CLVS1: variants seen among roughly 807,000 people sequenced by gnomAD.
CLVS1 encodes the protein clavesin 1, also known as clavesin-1.
Under a neutral mutation model 33.1 loss-of-function variants are expected in CLVS1, and 10 were observed. The observed-to-expected ratio is 0.30, with a 90% CI of 0.19 to 0.51. The LOEUF (loss-of-function observed/expected upper bound fraction) is 0.51. Among genes scored for constraint, CLVS1 ranks in the 20% least tolerant of loss-of-function variants. CLVS1 has a pLI of 0.97. For synonymous variants in CLVS1, 163 were observed against 166.1 expected (o/e 0.98, Z 0.14); for missense variants, 343 against 433.4 (o/e 0.79, Z 1.85).
chr8:61,207,551 G>T lies in CLVS1; in HGVS notation c.-152+75691G>T, dbSNP rs114761403. Among the ~76,000 whole-genome samples the T allele has an allele frequency of 3.8e-3, 573 of 152,250 alleles. 3 individuals carry two copies. The highest frequency in any genetic ancestry group is 0.013 in the African/African-American group (544 of 41,526). On this transcript the variant is annotated intron_variant, in intron 2 of 2. Transcript: ENST00000522621. The stretch of plus-strand genomic sequence containing the variant: ...GTGCATGCACAATTTTTACATTCTT[G>T]TGACCAATATATATGCAGTTTCATT...
chr8:61,107,032 A>G (rs896473464), intron 1 of CLVS1, among the ~76,000 whole-genome samples: 1 of 152,202 alleles, frequency 6.6e-6, no homozygotes, highest in African/African-American at 2.4e-5. Flanking sequence ...GTGTGGAAGC[A>G]GGTGAACTGC....
rs1371161027 is a variant in CLVS1 at position 61,315,041 on chromosome 8, TGCA to T, written c.455+14763_455+14765del. Among the ~76,000 whole-genome samples the T allele has an allele frequency of 2.6e-5, 4 of 152,310 alleles. No homozygotes were observed. In the East Asian group the frequency reaches 7.7e-4, roughly 29 times the overall value. On this transcript the variant is annotated intron_variant, in intron 2 of 5. Coordinates refer to ENST00000325897, the MANE Select transcript of CLVS1 (RefSeq NM_173519.3). ...CAGGCAAGCATGAAGTATCTTCCAC[TGCA>T]GCATCTGTTTGGGGCTGTACAAAAC...
chr8:61,038,524 G>A, the CLVS1 span, among the ~76,000 whole-genome samples: 1 of 149,992 alleles, frequency 6.7e-6, no homozygotes, highest in Non-Finnish European at 1.5e-5. Flanking sequence ...GTATTTATTT[G>A]TCCCAGAATG....
chr8:61,274,105 T>G (rs949082879), intron 2 of CLVS1: 3 of 152,206 alleles, frequency 2.0e-5, no homozygotes, highest in African/African-American at 4.8e-5. Context: ...CTGGCTAAAA[T>G]TTCTTAAAAA....
intron 3 of CLVS1, among the ~76,000 whole-genome samples, chr8:61,439,807 GT>G (rs543144450): frequency 3.9e-5 from 6 of 151,922 alleles, no homozygotes; most frequent in South Asian, 2.1e-4. Flanking sequence ...TCTTTTGTGT[GT>G]TTTTTTAATA....
chr8:61,109,149 G>A (rs1253605352), intron 1 of CLVS1, among the ~76,000 whole-genome samples: 1 of 152,144 alleles, frequency 6.6e-6, no homozygotes, highest in Non-Finnish European at 1.5e-5. Context: ...ATGCATTCTG[G>A]CTGGGGTTGG....
At chr8:61,183,740 A>T (rs1226022909) in intron 2 of CLVS1, among the ~76,000 whole-genome samples, 1 of 152,188 alleles carries the variant, frequency 6.6e-6, no homozygotes, top group Non-Finnish European at 1.5e-5. Context: ...CTATTAAGGA[A>T]GAGATTTGAA....
At chr8:61,472,637 C>T (rs577716707) in intron 5 of CLVS1, among the ~76,000 whole-genome samples, 14 of 152,246 alleles carry the variant, frequency 9.2e-5, no homozygotes, top group African/African-American at 3.4e-4. Context: ...TTTCCATTAA[C>T]AATTAACATT....
chr8:61,267,730 G>T (rs1001543775), intron 2 of CLVS1, among the ~76,000 whole-genome samples: 1 of 152,152 alleles, frequency 6.6e-6, no homozygotes, highest in African/African-American at 2.4e-5. Context: ...GAGGTACATA[G>T]CTAATTTGGG....
chr8:61,174,685 G>A (rs535792911), intron 2 of CLVS1, among the ~76,000 whole-genome samples: 227 of 152,248 alleles, frequency 1.5e-3, no homozygotes, highest in South Asian at 1.5e-3. Context: ...AGTCATGAAT[G>A]TTAATTCCTC....
At chr8:61,301,879 G>A (rs151221221) in intron 2 of CLVS1, among the ~76,000 whole-genome samples, 1,604 of 152,222 alleles carry the variant, frequency 0.011, 12 homozygotes, top group Non-Finnish European at 0.016. Flanking sequence ...GGTGCATGGC[G>A]CAATATCCAA....
chr8:61,307,848 C>G (rs1303785419), intron 2 of CLVS1, among the ~76,000 whole-genome samples: 1 of 152,166 alleles, frequency 6.6e-6, no homozygotes, highest in Non-Finnish European at 1.5e-5. Context: ...CCCACACTCC[C>G]ACCTTATGGA....
chr8:61,282,759 C>A (rs1028507692), intron 2 of CLVS1, among the ~76,000 whole-genome samples: 4 of 152,142 alleles, frequency 2.6e-5, no homozygotes, highest in Non-Finnish European at 4.4e-5. Flanking sequence ...TAATAAGTTC[C>A]CATCTGATAA....
At chr8:61,333,738 G>A (rs542231070) in intron 2 of CLVS1, among the ~76,000 whole-genome samples, 3 of 152,264 alleles carry the variant, frequency 2.0e-5, no homozygotes, top group South Asian at 4.1e-4. Flanking sequence ...TCAGGGCTAC[G>A]TGTGTAGGTT....
At position 61,074,442 on chromosome 8, in the gene CLVS1, ATATAAG is replaced by A. The variant is rs1254589348; in HGVS notation, c.-243+17217_-243+17222del. On this transcript the variant is annotated intron_variant, in intron 1 of 2. Coordinates refer to the CLVS1 transcript ENST00000522621. ...ATGTGTATATATATATGTTATATAT[ATATAAG>A]TATATGTGTATATATATGTTATATA... Among the ~76,000 whole-genome samples, 37 of 137,762 alleles carry A rather than the reference ATATAAG, an allele frequency of 2.7e-4. 1 individual carries two copies. The highest frequency in any genetic ancestry group is 5.2e-4 in the Non-Finnish European group (34 of 65,072). 90.4% of individuals were successfully genotyped at this position (137,762 alleles called of 152,430 possible).
chr8:61,318,400 A>G (rs1487811254), intron 2 of CLVS1, among the ~76,000 whole-genome samples: 1 of 152,198 alleles, frequency 6.6e-6, no homozygotes, highest in Non-Finnish European at 1.5e-5. Context: ...GATGTTTCCT[A>G]GATACCAGGA....
intron 1 of CLVS1, among the ~76,000 whole-genome samples, chr8:61,105,679 A>G (rs1285164204): frequency 6.6e-6 from 1 of 152,234 alleles, no homozygotes; most frequent in Non-Finnish European, 1.5e-5. Context: ...CAAGGCATGT[A>G]TCATTGTATT....
At chr8:61,261,520 G>A (rs944400047) in intron 2 of CLVS1, among the ~76,000 whole-genome samples, 1 of 152,102 alleles carries the variant, frequency 6.6e-6, no homozygotes, top group East Asian at 1.9e-4. Flanking sequence ...TGTTTTTGTC[G>A]CCCCACCCCA....
chr8:61,475,455 CTGT>C (rs1817887748), intron 5 of CLVS1, among the ~76,000 whole-genome samples: 1 of 152,324 alleles, frequency 6.6e-6, no homozygotes, highest in African/African-American at 2.4e-5. Context: ...TCTCCAGCAC[CTGT>C]TGTTTCCTGA....
Sources: gnomAD v4.1 joint callset for allele counts (sites outside exome capture counted in the v4.1 genomes callset) on GRCh38, gnomAD v4.1.1 for gene constraint, MANE v1.5 for transcripts, NCBI Gene and HGNC (gene_info 2026-07-23, HGNC 2026-07-21) for gene names.